The following HAUS3 variants were observed in gnomAD, a reference collection of about 807,000 sequenced individuals.
The protein encoded by HAUS3 is HAUS augmin like complex subunit 3, also known as HAUS augmin-like complex subunit 3.
A neutral mutation model predicts 55.2 loss-of-function variants in HAUS3; 36 were observed. The ratio of observed to expected loss-of-function variants is 0.65; its 90% CI spans 0.50 to 0.86. HAUS3 has a LOEUF of 0.86. Ranked by LOEUF, HAUS3 falls within the 40% of genes least tolerant of loss-of-function variation. The pLI is 0.00. For missense variants in HAUS3, 752 were observed against 671.5 expected, an observed-to-expected ratio of 1.12 and a Z score of -1.33; for synonymous variants, 234 against 238.6, an observed-to-expected ratio of 0.98 and a Z score of 0.18.
chr4:2,231,139 A>C lies in HAUS3; in HGVS notation c.*788T>G, dbSNP rs562070652. The C allele has an allele frequency of 6.6e-6, 1 of 152,338 alleles. No homozygotes were observed. The highest frequency in any genetic ancestry group is 1.9e-4 in the East Asian group (1 of 5,184). The allele number at this position is 152,338 out of a possible 1,614,324, so 9.4% of individuals were successfully genotyped here. ...AGGAAGTCCTAATACTCTGTGGTAC[A>C]AGTAGGGACATTAAAACAGCCTAAA... On this transcript the variant is annotated 3_prime_UTR_variant, in exon 6 of 6. Transcript: ENST00000443786.
Position 2,228,764 on chromosome 4 carries a change from C to A in HAUS3, c.*3163G>T. On this transcript the variant is annotated 3_prime_UTR_variant, in exon 6 of 6. Transcript: ENST00000443786. ...TGTCAAAAACATATCTCTTGTTCACCACACAAAATAGCAAATACTATGTAC... is the reference window on the plus strand; with the variant it reads ...TGTCAAAAACATATCTCTTGTTCACAACACAAAATAGCAAATACTATGTAC... 1 of 212,706 alleles carries A rather than the reference C, an allele frequency of 4.7e-6. No individual in the cohort carries two copies. Among genetic ancestry groups the A allele is most frequent in the Admixed American group, 5.6e-5 (1 of 17,894 alleles). The allele number at this position is 212,706 out of a possible 1,614,324, so 13.2% of individuals were successfully genotyped here.
Position 2,241,696 on chromosome 4 carries a change from C to A in HAUS3, c.-324G>T. The A allele has an allele frequency of 4.1e-6, 4 of 985,540 alleles. No individual in the cohort carries two copies. The highest frequency in any genetic ancestry group is 3.6e-6 in the Non-Finnish European group (3 of 829,984). 61.0% of individuals were successfully genotyped at this position (985,540 alleles called of 1,614,324 possible). On this transcript the variant is annotated 5_prime_UTR_variant, in exon 2 of 6. Transcript: ENST00000443786. ...GCGAACCCCAGAGGCAGCGGCAAGC[C>A]CCAGGGATCCGCGGCCCCAAGGCCG...
At chr4:2,237,953 G>A (rs1466447201) in intron 4 of HAUS3, among the ~76,000 whole-genome samples, 3 of 152,010 alleles carry the variant, frequency 2.0e-5, no homozygotes, top group East Asian at 1.9e-4. Flanking sequence ...TAATGTCAGT[G>A]GTACCCCCTG....
In HAUS3 at chr4:2,240,839, A is replaced by G. The variant is rs1734958352; in HGVS notation, c.108T>C (p.Asp36=). Residue 36 remains aspartate, a synonymous_variant, in exon 3 of 6, where the codon GAT becomes GAC. Transcript: ENST00000443786. ...CACAAAACCACTTCAGAAACGATTC[A>G]TCTTCAACGCCCTCAAACAACCAGT... ...DFDWLFEGVE[D]ESFLKWFCGN... The G allele has an allele frequency of 6.2e-7, 1 of 1,613,504 alleles. No homozygotes were observed.
chr4:2,232,256 C>T, intron 5 of HAUS3, 96 bp from the exon 6 acceptor site: 1 of 561,508 alleles, frequency 1.8e-6, no homozygotes, highest in East Asian at 3.4e-5. Flanking sequence ...CTTTAAAGGA[C>T]TTAATAACTT....
chr4:2,240,690 G>A lies in HAUS3; in HGVS notation c.257C>T (p.Thr86Ile), dbSNP rs762728371. The A allele has an allele frequency of 1.9e-6, 3 of 1,613,966 alleles. No individual in the cohort carries two copies. Among genetic ancestry groups the A allele is most frequent in the East Asian group, 4.5e-5 (2 of 44,870 alleles). The change falls in exon 3 of 6, where the codon ACT (threonine) becomes ATT (isoleucine). Residue 86 changes from threonine to isoleucine, a missense_variant. Coordinates refer to ENST00000443786, the MANE Select transcript of HAUS3 (RefSeq NM_001303143.2). The stretch of plus-strand genomic sequence containing the variant: ...CAGTCTAGGTGTCTTCAAATCAGAA[G>A]TTTTACACGTTTTAAGAGCTTCATC... The part of the protein sequence containing the change: ...ALDEALKTCK[T>I]SDLKTPRLDD...
chr4:2,231,327 G>A lies in HAUS3; in HGVS notation c.*600C>T, dbSNP rs1280377837. On this transcript the variant is annotated 3_prime_UTR_variant, in exon 6 of 6. Coordinates refer to ENST00000443786, the MANE Select transcript of HAUS3 (RefSeq NM_001303143.2). ...TTAAAATATTTAATAGCGGCTGAGC[G>A]TGGTGGCTCATGCCTGTAATTCCGG... 2.0e-5 allele frequency: 3 copies of A among 152,278 alleles called. No individual in the cohort carries two copies. The highest frequency in any genetic ancestry group is 6.5e-5 in the Admixed American group (1 of 15,282). 9.4% of individuals were successfully genotyped at this position (152,278 alleles called of 1,614,324 possible). A position where few individuals can be genotyped will look rare whatever the true frequency, so the allele number is the denominator to read the frequency against.
intron 5 of HAUS3, among the ~76,000 whole-genome samples, chr4:2,232,631 C>T (rs1269956971): frequency 6.6e-6 from 1 of 152,134 alleles, no homozygotes; most frequent in African/African-American, 2.4e-5. Context: ...ACACAAATCT[C>T]CATTTTTCAT....
At chr4:2,238,508 T>C (rs1734846095) in intron 4 of HAUS3, 96 bp downstream of exon 4, 1 of 697,904 alleles carries the variant, frequency 1.4e-6, no homozygotes, top group Non-Finnish European at 2.2e-6. Flanking sequence ...ATGCAAAGAA[T>C]TGTTAAAAAC....
In HAUS3 at chr4:2,232,031, T is replaced by C. The variant is rs754198325; in HGVS notation, c.1708A>G (p.Arg570Gly). Residue 570 changes from arginine to glycine, a missense_variant, in exon 6 of 6, where the codon AGA becomes GGA. Coordinates refer to ENST00000443786, the MANE Select transcript of HAUS3 (RefSeq NM_001303143.2). ...LANNKLHQME[R>G]EFYVYFLKDE... ...TTTAAAAAATATACATAGAATTCTC[T>C]TTCCATTTGATGTAATTTATTATTT... The C allele has an allele frequency of 6.6e-7, 1 of 1,517,414 alleles. No individual in the cohort carries two copies. Among genetic ancestry groups the C allele is most frequent in the Non-Finnish European group, 9.1e-7 (1 of 1,097,766 alleles). The allele number at this position is 1,517,414 out of a possible 1,614,324, so 94.0% of individuals were successfully genotyped here.
rs779117404 is a variant in HAUS3, at chr4:2,231,962, G to A, written c.1777C>T (p.Gln593Ter). The change falls in exon 6 of 6, where the codon CAA (glutamine) becomes TAA (stop). Residue 593 changes from glutamine (Q) to a stop codon, truncating the protein, a stop_gained. Transcript: ENST00000443786. LOFTEE classifies it high-confidence loss of function. ...AGACTAACAGCCTTAATCTTTGATT[G>A]AGTTTCTAAATTCTCCACAATATCT... ...LKDIVENLET[Q>*]SKIKAVSLED 2.1e-6 allele frequency: 3 copies of A among 1,438,564 alleles called. No individual in the cohort carries two copies. Among genetic ancestry groups the A allele is most frequent in the Non-Finnish European group, 2.9e-6 (3 of 1,036,880 alleles). 89.1% of individuals were successfully genotyped at this position (1,438,564 alleles called of 1,614,324 possible). A position where few individuals can be genotyped will look rare whatever the true frequency, so the allele number is the denominator to read the frequency against.
In HAUS3 at chr4:2,228,640, T is replaced by A. The variant is rs78282503; in HGVS notation, c.*3287A>T. On this transcript the variant is annotated 3_prime_UTR_variant, in exon 6 of 6. Transcript: ENST00000443786. The stretch of plus-strand genomic sequence containing the variant: ...CGTGAGCCACCGCACCCGGCCCCAC[T>A]GCTTTTACTATTATACCACATCATA... The A allele has an allele frequency of 4.9e-4, 83 of 170,208 alleles. 1 individual carries two copies. In the East Asian group the frequency reaches 0.013, roughly 27 times the overall value. 10.5% of individuals were successfully genotyped at this position (170,208 alleles called of 1,614,324 possible). A position where few individuals can be genotyped will look rare whatever the true frequency, so the allele number is the denominator to read the frequency against.
chr4:2,231,966 T>C lies in HAUS3; in HGVS notation c.1773A>G (p.Glu591=), dbSNP rs772097932. 12 of 1,453,712 alleles carry C rather than the reference T, an allele frequency of 8.3e-6. No individual in the cohort carries two copies. 90.1% of individuals were successfully genotyped at this position (1,453,712 alleles called of 1,614,324 possible). A position where few individuals can be genotyped will look rare whatever the true frequency, so the allele number is the denominator to read the frequency against. The change falls in exon 6 of 6, where the codon GAA becomes GAG. Residue 591 remains glutamate (E), a synonymous_variant. Transcript: ENST00000443786. Reference sequence around the variant, plus strand: ...TAACAGCCTTAATCTTTGATTGAGTTTCTAAATTCTCCACAATATCTTTCA... The same window carrying C: ...TAACAGCCTTAATCTTTGATTGAGTCTCTAAATTCTCCACAATATCTTTCA... ...DYLKDIVENL[E]TQSKIKAVSL...
chr4:2,234,260 G>A (rs1279657927), intron 5 of HAUS3: 2 of 152,288 alleles, frequency 1.3e-5, no homozygotes, highest in Non-Finnish European at 2.9e-5. Flanking sequence ...CATGGCAGAA[G>A]ACATGAAGGT....
rs1734512143 is a variant in HAUS3 at position 2,229,733 on chromosome 4, G to A, written c.*2194C>T. ...GCTACTCGGGAGGCCTGAGGCAGGA[G>A]AATCACGTGAACCCAGAAGGCAGAG... On this transcript the variant is annotated 3_prime_UTR_variant, in exon 6 of 6. Transcript: ENST00000443786. The A allele has an allele frequency of 6.6e-6, 1 of 152,366 alleles. No homozygotes were observed. The highest frequency in any genetic ancestry group is 6.6e-5 in the Admixed American group (1 of 15,264). 9.4% of individuals were successfully genotyped at this position (152,366 alleles called of 1,614,324 possible).
rs1037271134 is a variant in HAUS3, at chr4:2,229,297, A to G, written c.*2630T>C. On this transcript the variant is annotated 3_prime_UTR_variant, in exon 6 of 6. Coordinates refer to ENST00000443786, the MANE Select transcript of HAUS3 (RefSeq NM_001303143.2). ...CCCATATATTAATCCTAAGACTATA[A>G]AACAGGAAATACAATTATTTTCAAA... 6 of 1,362,880 alleles carry G rather than the reference A, an allele frequency of 4.4e-6. No homozygotes were observed. In the African/African-American group the frequency reaches 4.5e-5, roughly 10 times the overall value. 84.4% of individuals were successfully genotyped at this position (1,362,880 alleles called of 1,614,324 possible).
chr4:2,232,696 C>G (rs1342102948), intron 5 of HAUS3, among the ~76,000 whole-genome samples: 2 of 152,118 alleles, frequency 1.3e-5, no homozygotes, highest in African/African-American at 2.4e-5. Flanking sequence ...CGAAAACCAT[C>G]CTAATCATAT....
At chr4:2,233,728 C>A (rs999693855) in intron 5 of HAUS3, among the ~76,000 whole-genome samples, 4 of 152,112 alleles carry the variant, frequency 2.6e-5, no homozygotes, top group African/African-American at 7.2e-5. Flanking sequence ...CTAAAAAGAT[C>A]TTTTCTAGTA....
rs1734987046 is a variant in HAUS3, at chr4:2,241,517, T to A, written c.-148+3A>T. ...ATCTTCTGAAGATCAACTAAATATT[T>A]ACCTCAACGTCTCGCCGGGCAAGGC... On this transcript the variant is annotated splice_donor_region_variant and intron_variant, in intron 2 of 5. Coordinates refer to ENST00000443786, the MANE Select transcript of HAUS3 (RefSeq NM_001303143.2). The A allele has an allele frequency of 3.0e-6, 3 of 985,724 alleles. No individual in the cohort carries two copies. The South Asian group carries it at 1.4e-4, about 46-fold the overall frequency. The allele number at this position is 985,724 out of a possible 1,614,324, so 61.1% of individuals were successfully genotyped here.
Sources: gnomAD v4.1 joint callset for allele counts (sites outside exome capture counted in the v4.1 genomes callset) on GRCh38, gnomAD v4.1.1 for gene constraint, MANE v1.5 for transcripts, NCBI Gene and HGNC (gene_info 2026-07-23, HGNC 2026-07-21) for gene names.